The following MACROD2 variants were observed in gnomAD, a reference collection of about 807,000 sequenced individuals.
MACROD2 encodes the protein mono-ADP ribosylhydrolase 2, also known as ADP-ribose glycohydrolase MACROD2.
Under a neutral mutation model 70.4 loss-of-function variants are expected in MACROD2, and 36 were observed. The observed-to-expected ratio is 0.51, with a 90% CI of 0.39 to 0.68. MACROD2 has a LOEUF of 0.68. Ranked by LOEUF, MACROD2 falls within the 30% of genes least tolerant of loss-of-function variation. The probability of loss-of-function intolerance (pLI) is 0.00; values close to 1 mark genes in which losing one functional copy is unlikely to be tolerated. For missense variants in MACROD2, 496 were observed against 538.4 expected (o/e 0.92, Z 0.78); for synonymous variants, 172 against 178.8 (o/e 0.96, Z 0.30).
intron 3 of MACROD2, among the ~76,000 whole-genome samples, chr20:14,211,686 G>A (rs888134927): frequency 2.0e-5 from 3 of 152,178 alleles, no homozygotes; most frequent in Non-Finnish European, 4.4e-5. Context: ...AGGCAGCAGA[G>A]TGAGAGAGGT....
intron 5 of MACROD2, among the ~76,000 whole-genome samples, chr20:15,190,967 C>G (rs1252660879): frequency 1.3e-5 from 2 of 152,164 alleles, no homozygotes; most frequent in South Asian, 2.1e-4. Context: ...TTTGCTATCT[C>G]TAAGAACTGA....
intron 3 of MACROD2, among the ~76,000 whole-genome samples, chr20:14,103,159 G>T (rs1172013950): frequency 6.6e-6 from 1 of 152,068 alleles, no homozygotes; most frequent in African/African-American, 2.4e-5. Flanking sequence ...GGAATTAGAA[G>T]ATAATTCTCA....
In MACROD2 at chr20:15,417,205, A is replaced by C. The variant is rs889286868; in HGVS notation, c.541-14200A>C. Reference sequence around the variant, plus strand: ...AAGAGAGACTGTGCTGGATATGAGAAGGATGCAGTCTGGGCTACAATTATC... The same window carrying C: ...AAGAGAGACTGTGCTGGATATGAGACGGATGCAGTCTGGGCTACAATTATC... On this transcript the variant is annotated intron_variant, in intron 6 of 17. Coordinates refer to ENST00000684519, the MANE Select transcript of MACROD2 (RefSeq NM_001351661.2). 4.8e-4 allele frequency among the ~76,000 whole-genome samples: 73 copies of C among 152,176 alleles called. 1 individual carries two copies. The highest frequency in any genetic ancestry group is 1.6e-3 in the African/African-American group (66 of 41,440).
intron 8 of MACROD2, among the ~76,000 whole-genome samples, chr20:15,796,303 G>T (rs748957247): frequency 2.0e-4 from 30 of 152,340 alleles, no homozygotes; most frequent in Non-Finnish European, 3.5e-4. Context: ...ACGCAAGGCA[G>T]ATGGACACAT....
chr20:15,057,711 G>T lies in MACROD2; in HGVS notation c.419-172229G>T, dbSNP rs1351065927. On this transcript the variant is annotated intron_variant, in intron 5 of 17. Coordinates refer to ENST00000684519, the MANE Select transcript of MACROD2 (RefSeq NM_001351661.2). ...GCTTAGAAAGCAGGTGTCTGGGTGTGAACATTTGTGTGTCCCATTAACTGC... is the reference window on the plus strand; with the variant it reads ...GCTTAGAAAGCAGGTGTCTGGGTGTTAACATTTGTGTGTCCCATTAACTGC... 1.3e-5 allele frequency among the ~76,000 whole-genome samples: 2 copies of T among 152,162 alleles called. 1 individual carries two copies. The highest frequency in any genetic ancestry group is 4.8e-5 in the African/African-American group (2 of 41,442).
Position 14,949,262 on chromosome 20 carries a change from G to A in MACROD2, c.418+264303G>A, listed in dbSNP as rs147260532. ...GAATTGACTTTTAAAAATAATCTTC[G>A]TATATCTAAGTTTGAAATGTTTAAC... On this transcript the variant is annotated intron_variant, in intron 5 of 17. Transcript: ENST00000684519. 4.2e-3 allele frequency among the ~76,000 whole-genome samples: 637 copies of A among 152,152 alleles called. 2 individuals are homozygous for A. The highest frequency in any genetic ancestry group is 0.014 in the African/African-American group (597 of 41,494).
At chr20:15,311,768 A>G (rs111236789) in intron 6 of MACROD2, among the ~76,000 whole-genome samples, 19 of 152,128 alleles carry the variant, frequency 1.2e-4, no homozygotes, top group African/African-American at 3.9e-4. Flanking sequence ...CACAATCGAC[A>G]CTGGGGACTA....
chr20:15,375,464 G>A (rs76380164), intron 6 of MACROD2, among the ~76,000 whole-genome samples: 16,812 of 152,100 alleles, frequency 0.11, 1,177 homozygotes, highest in Non-Finnish European at 0.16. Flanking sequence ...TATGAAGCAC[G>A]AATAAGAACA....
intron 4 of MACROD2, among the ~76,000 whole-genome samples, chr20:14,498,783 G>A (rs17191648): frequency 0.14 from 21,050 of 152,164 alleles, 1,650 homozygotes; most frequent in South Asian, 0.23. Context: ...CATAAATTTT[G>A]TCTTAAGCAT....
rs539609253 is a variant in MACROD2, at chr20:16,011,624, G to T, written c.1153+24466G>T. On this transcript the variant is annotated intron_variant, in intron 15 of 17. Transcript: ENST00000684519. ...GAGAGCCATCAGCCCCAGCTCAAGC[G>T]CAAGCCCGAGTAAAGGAGACAGGGA... Among the ~76,000 whole-genome samples, 14 of 147,540 alleles carry T rather than the reference G, an allele frequency of 9.5e-5. 1 individual carries two copies. In the South Asian group the frequency reaches 2.9e-3, roughly 31 times the overall value.
intron 8 of MACROD2, among the ~76,000 whole-genome samples, chr20:15,698,401 C>A (rs1182498750): frequency 1.3e-5 from 2 of 152,184 alleles, no homozygotes; most frequent in African/African-American, 4.8e-5. Context: ...GAAGATATGG[C>A]CCCAATCCCT....
At chr20:15,892,155 T>G (rs112074153) in intron 10 of MACROD2, among the ~76,000 whole-genome samples, 162 of 152,040 alleles carry the variant, frequency 1.1e-3, no homozygotes, top group African/African-American at 3.8e-3. Context: ...GCAGGGGTGG[T>G]GAAGGTGGAG....
chr20:14,808,091 GA>G (rs2072662016), intron 5 of MACROD2, among the ~76,000 whole-genome samples: 1 of 152,002 alleles, frequency 6.6e-6, no homozygotes, highest in African/African-American at 2.4e-5. Flanking sequence ...GAAATACAGA[GA>G]ACATTGCAAA....
At chr20:15,127,447 G>T (rs1396847117) in intron 5 of MACROD2, among the ~76,000 whole-genome samples, 1 of 151,942 alleles carries the variant, frequency 6.6e-6, no homozygotes, top group African/African-American at 2.4e-5. Flanking sequence ...ACAGTTTTTG[G>T]CATTCATGAG....
At chr20:15,648,719 GTGGATGGA>G (rs200374076) in intron 8 of MACROD2, among the ~76,000 whole-genome samples, 6 of 151,562 alleles carry the variant, frequency 4.0e-5, no homozygotes, top group African/African-American at 7.3e-5. Flanking sequence ...TGGATGGATG[GTGGATGGA>G]TGGATGGATG....
At chr20:14,620,280 A>G (rs1310711532) in intron 4 of MACROD2, among the ~76,000 whole-genome samples, 1 of 151,954 alleles carries the variant, frequency 6.6e-6, no homozygotes, top group Non-Finnish European at 1.5e-5. Flanking sequence ...CCATATGTTT[A>G]TGGCTCTGTC....
chr20:16,019,396 G>T (rs1032445674), intron 15 of MACROD2, among the ~76,000 whole-genome samples: 1 of 152,162 alleles, frequency 6.6e-6, no homozygotes, highest in South Asian at 2.1e-4. Context: ...TTAGGATGGG[G>T]GTGGGTTGGA....
chr20:15,009,145 T>C (rs1002094898), intron 5 of MACROD2, among the ~76,000 whole-genome samples: 1 of 152,140 alleles, frequency 6.6e-6, no homozygotes, highest in Non-Finnish European at 1.5e-5. Flanking sequence ...AGCCAGCAAA[T>C]GTACCCCATT....
At chr20:15,271,593 C>G (rs963547311) in intron 6 of MACROD2, among the ~76,000 whole-genome samples, 1 of 152,208 alleles carries the variant, frequency 6.6e-6, no homozygotes, top group Non-Finnish European at 1.5e-5. Flanking sequence ...GTATAATGTG[C>G]ATAGCTCTTT....
Sources: gnomAD v4.1 joint callset for allele counts (sites outside exome capture counted in the v4.1 genomes callset) on GRCh38, gnomAD v4.1.1 for gene constraint, MANE v1.5 for transcripts, NCBI Gene and HGNC (gene_info 2026-07-23, HGNC 2026-07-21) for gene names.